Variants in SESTD1 observed in about 807,000 individuals in gnomAD.
The protein encoded by SESTD1 is SEC14 and spectrin domain containing 1, also known as SEC14 domain and spectrin repeat-containing protein 1.
Under a neutral mutation model 101.7 loss-of-function variants are expected in SESTD1, and 43 were observed. The ratio of observed to expected loss-of-function variants is 0.42; its 90% confidence interval spans 0.33 to 0.55. SESTD1 has a LOEUF of 0.55. Among genes scored for constraint, SESTD1 ranks in the 20% least tolerant of loss-of-function variants. SESTD1 has a pLI of 0.07. For synonymous variants in SESTD1, 283 were observed against 286.8 expected (o/e 0.99, Z 0.13); for missense variants, 647 against 815.1 (o/e 0.79, Z 2.51).
intron 9 of SESTD1, among the ~76,000 whole-genome samples, chr2:179,139,152 G>A (rs1020617267): frequency 6.6e-5 from 10 of 152,056 alleles, no homozygotes; most frequent in Admixed American, 4.6e-4. Flanking sequence ...GCCCCTCACT[G>A]TTATTTAGGT....
At chr2:179,163,197 A>C (rs116716525) in intron 5 of SESTD1, among the ~76,000 whole-genome samples, 4,773 of 152,246 alleles carry the variant, frequency 0.031, 103 homozygotes, top group Middle Eastern at 0.068. Context: ...CTTACAAATT[A>C]CTAGTAACCT....
chr2:179,172,095 C>T, intron 5 of SESTD1, 25 bp downstream of exon 5: 1 of 1,422,440 alleles, frequency 7.0e-7, no homozygotes, highest in Non-Finnish European at 9.9e-7. Context: ...ATATAATGGA[C>T]TTTAAAAAAA....
chr2:179,126,048 C>A (rs2044866199), intron 10 of SESTD1, among the ~76,000 whole-genome samples: 1 of 152,136 alleles, frequency 6.6e-6, no homozygotes, highest in Admixed American at 6.5e-5. Flanking sequence ...TGGATTATTT[C>A]CACCAGCATA....
chr2:179,148,146 T>C (rs886793469), intron 7 of SESTD1, among the ~76,000 whole-genome samples: 6 of 152,258 alleles, frequency 3.9e-5, no homozygotes, highest in Non-Finnish European at 8.8e-5. Flanking sequence ...AAAACTATGA[T>C]CTTACACTTG....
intron 1 of SESTD1, among the ~76,000 whole-genome samples, chr2:179,260,480 C>T (rs2047467346): frequency 6.6e-6 from 1 of 151,976 alleles, no homozygotes. Context: ...CACACCACTG[C>T]ACTTCAGCCT....
At chr2:179,161,855 T>C (rs2045742680) in intron 5 of SESTD1, among the ~76,000 whole-genome samples, 1 of 152,180 alleles carries the variant, frequency 6.6e-6, no homozygotes, top group Non-Finnish European at 1.5e-5. Context: ...ACTCTTTGAA[T>C]GTGTAAAGTC....
At chr2:179,146,272 G>A in intron 8 of SESTD1, 130 bp downstream of exon 8, 1 of 790,346 alleles carries the variant, frequency 1.3e-6, no homozygotes, top group Non-Finnish European at 2.1e-6. Context: ...ACCAGTCCCT[G>A]GTCCTCAAAA....
intron 1 of SESTD1, among the ~76,000 whole-genome samples, chr2:179,204,281 T>G (rs2046562900): frequency 7.4e-6 from 1 of 134,642 alleles, no homozygotes; most frequent in South Asian, 2.9e-4. Flanking sequence ...TGAAATTGCT[T>G]GCTATTGCCA....
intron 1 of SESTD1, among the ~76,000 whole-genome samples, chr2:179,231,119 T>C (rs2046980819): frequency 1.3e-5 from 2 of 152,168 alleles, no homozygotes; most frequent in South Asian, 4.1e-4. Context: ...ATTTTTAATA[T>C]GCAGGAACTC....
At chr2:179,119,683 G>C (rs1424740048) in intron 13 of SESTD1, among the ~76,000 whole-genome samples, 1 of 152,172 alleles carries the variant, frequency 6.6e-6, no homozygotes, top group Non-Finnish European at 1.5e-5. Context: ...GGCCTGGTGG[G>C]AGATGACTGG....
At chr2:179,229,905 AAG>A (rs1553529916) in intron 1 of SESTD1, among the ~76,000 whole-genome samples, 2 of 150,188 alleles carry the variant, frequency 1.3e-5, no homozygotes, top group Non-Finnish European at 3.0e-5. Context: ...ACACTGACAG[AAG>A]AGGACATTCC....
chr2:179,145,502 A>G (rs946167221), intron 8 of SESTD1, among the ~76,000 whole-genome samples: 12 of 152,374 alleles, frequency 7.9e-5, no homozygotes, highest in African/African-American at 2.9e-4. Context: ...ATTATGAGCT[A>G]TTATTAAAAA....
intron 10 of SESTD1, among the ~76,000 whole-genome samples, chr2:179,129,933 T>C (rs564815873): frequency 1.3e-5 from 2 of 152,172 alleles, no homozygotes; most frequent in Non-Finnish European, 1.5e-5. Context: ...TCAATAATGA[T>C]CAATTCATGG....
chr2:179,256,308 A>C (rs2047392614), intron 1 of SESTD1, among the ~76,000 whole-genome samples: 1 of 152,232 alleles, frequency 6.6e-6, no homozygotes, highest in African/African-American at 2.4e-5. Context: ...AGACTCCATT[A>C]AGAACATTTG....
chr2:179,222,835 G>A (rs2046832982), intron 1 of SESTD1, among the ~76,000 whole-genome samples: 1 of 152,068 alleles, frequency 6.6e-6, no homozygotes, highest in African/African-American at 2.4e-5. Context: ...GTGAAACCTA[G>A]GCTCCTGCAA....
chr2:179,116,165 G>T (rs776540846), intron 15 of SESTD1, among the ~76,000 whole-genome samples: 1 of 151,826 alleles, frequency 6.6e-6, no homozygotes, highest in Non-Finnish European at 1.5e-5. Context: ...TCCCAGCTAC[G>T]CAGGTGGCTG....
rs1343211541 is a variant in SESTD1 at position 179,216,643 on chromosome 2, T to C, written c.-25-24777A>G. ...TTGGAAAAAACTACTTTAAAGTTCA[T>C]ATGCAACCAAAAAAGGAGTCCACAT... On this transcript the variant is annotated intron_variant, in intron 1 of 17. Transcript: ENST00000428443. Among the ~76,000 whole-genome samples, 2 of 135,198 alleles carry C rather than the reference T, an allele frequency of 1.5e-5. 1 individual carries two copies. The highest frequency in any genetic ancestry group is 5.9e-5 in the African/African-American group (2 of 34,134). 88.7% of individuals were successfully genotyped at this position (135,198 alleles called of 152,430 possible). A position where few individuals can be genotyped will look rare whatever the true frequency, so the allele number is the denominator to read the frequency against.
At chr2:179,197,500 G>A (rs1032003589) in intron 1 of SESTD1, among the ~76,000 whole-genome samples, 9 of 150,296 alleles carry the variant, frequency 6.0e-5, no homozygotes, top group South Asian at 2.1e-4. Context: ...CCCAAGACAC[G>A]TAATTGTCAG....
intron 1 of SESTD1, among the ~76,000 whole-genome samples, chr2:179,239,433 T>C (rs2047117394): frequency 6.6e-6 from 1 of 152,128 alleles, no homozygotes; most frequent in Admixed American, 6.6e-5. Context: ...CTTTGAAGTA[T>C]AAAGTTAAAA....
Sources: allele counts gnomAD v4.1 joint callset (sites outside exome capture counted in the v4.1 genomes callset), GRCh38; gene constraint gnomAD v4.1.1; transcripts MANE v1.5; gene names NCBI Gene and HGNC (gene_info 2026-07-23, HGNC 2026-07-21).